The following SLC8A1 variants were observed in gnomAD, a reference collection of about 807,000 sequenced individuals.
The protein encoded by SLC8A1 is solute carrier family 8 member A1.
In SLC8A1, 18 loss-of-function variants were observed where a neutral mutation model predicts 68.3. The observed-to-expected ratio is 0.26, with a 90% CI of 0.18 to 0.39. The LOEUF (loss-of-function observed/expected upper bound fraction) is 0.39. SLC8A1 is among the 10% of genes least tolerant of loss of function. SLC8A1 has a pLI of 1.00. For missense variants in SLC8A1, 985 were observed against 1,156.7 expected (o/e 0.85, Z 2.15); for synonymous variants, 475 against 415.5 (o/e 1.14, Z -1.74).
chr2:40,434,710 T>G (rs142489201), intron 1 of SLC8A1, among the ~76,000 whole-genome samples: 250 of 152,280 alleles, frequency 1.6e-3, no homozygotes, highest in Non-Finnish European at 1.4e-3. Context: ...AAATGAGACT[T>G]TAGCACAGTA....
chr2:40,438,574 A>G (rs1259706137), intron 1 of SLC8A1, among the ~76,000 whole-genome samples: 1 of 152,178 alleles, frequency 6.6e-6, no homozygotes, highest in Non-Finnish European at 1.5e-5. Context: ...TACTCCAATG[A>G]CCATTAATAC....
At chr2:40,468,955 A>G (rs1442082121) in intron 1 of SLC8A1, among the ~76,000 whole-genome samples, 3 of 152,112 alleles carry the variant, frequency 2.0e-5, no homozygotes, top group Non-Finnish European at 4.4e-5. Flanking sequence ...AGTAAAGCCA[A>G]TCCTGGATAT....
intron 2 of SLC8A1, among the ~76,000 whole-genome samples, chr2:40,340,455 G>A (rs1667335774): frequency 6.6e-6 from 1 of 152,172 alleles, no homozygotes; most frequent in South Asian, 2.1e-4. Context: ...CAGCTACTCA[G>A]GAGGCTGAGG....
intron 2 of SLC8A1, among the ~76,000 whole-genome samples, chr2:40,346,061 A>AG (rs1162138099): frequency 1.3e-5 from 2 of 149,926 alleles, no homozygotes; most frequent in African/African-American, 4.9e-5. Context: ...AAAAAAAAAA[A>AG]AAAAAAAAAA....
chr2:40,312,036 T>G (rs2073776965), intron 2 of SLC8A1, among the ~76,000 whole-genome samples: 1 of 152,116 alleles, frequency 6.6e-6, no homozygotes, highest in Admixed American at 6.6e-5. Context: ...CCTTTTGATT[T>G]ATTAAATCAC....
intron 6 of SLC8A1, among the ~76,000 whole-genome samples, chr2:40,140,082 G>A (rs1227352557): frequency 6.6e-6 from 1 of 152,084 alleles, no homozygotes; most frequent in Non-Finnish European, 1.5e-5. Flanking sequence ...TTCTACTAGG[G>A]TTCTTTTCTT....
chr2:40,367,531 A>G (rs1676641963), intron 2 of SLC8A1, among the ~76,000 whole-genome samples: 1 of 151,994 alleles, frequency 6.6e-6, no homozygotes, highest in Non-Finnish European at 1.5e-5. Context: ...AATGTACCAA[A>G]CTATACAGTA....
intron 6 of SLC8A1, among the ~76,000 whole-genome samples, chr2:40,160,208 A>C (rs566073751): frequency 6.6e-6 from 1 of 152,326 alleles, no homozygotes; most frequent in African/African-American, 2.4e-5. Flanking sequence ...GAGTTTGAAA[A>C]ACACTTCATT....
exon 8 of SLC8A1, chr2:40,107,967 A>G (rs1292265600): frequency 6.6e-6 from 1 of 152,256 alleles, no homozygotes; most frequent in Non-Finnish European, 1.5e-5. Context: ...ACTGTACATT[A>G]GAAAGCCAGT....
At chr2:40,488,453 TGTG>T (rs1037939597) in intron 1 of SLC8A1, among the ~76,000 whole-genome samples, 2 of 63,672 alleles carry the variant, frequency 3.1e-5, no homozygotes, top group Admixed American at 4.0e-4. Flanking sequence ...CTTTCTAGTT[TGTG>T]TGTGTGTGTG....
At chr2:40,216,460 C>A (rs1270942839) in intron 2 of SLC8A1, among the ~76,000 whole-genome samples, 2 of 152,140 alleles carry the variant, frequency 1.3e-5, no homozygotes, top group African/African-American at 4.8e-5. Flanking sequence ...CTTCAATAAA[C>A]ATACATGTGC....
intron 1 of SLC8A1, among the ~76,000 whole-genome samples, chr2:40,449,774 A>C (rs1338198304): frequency 6.6e-6 from 1 of 152,334 alleles, no homozygotes; most frequent in Middle Eastern, 3.4e-3. Context: ...AAGACAGTAA[A>C]GTCTGATTAT....
intron 7 of SLC8A1, among the ~76,000 whole-genome samples, chr2:40,126,334 G>A (rs942681277): frequency 1.3e-5 from 2 of 152,190 alleles, no homozygotes; most frequent in Non-Finnish European, 2.9e-5. Flanking sequence ...TTAAATGCAA[G>A]GGGTCTATCT....
chr2:40,302,474 CAT>C (rs1427504937), intron 2 of SLC8A1, among the ~76,000 whole-genome samples: 2 of 148,030 alleles, frequency 1.4e-5, no homozygotes, highest in South Asian at 2.1e-4. Context: ...TGTATACACA[CAT>C]ATATATGATA....
exon 7 of SLC8A1, chr2:40,139,468 G>A (rs1409496109): frequency 6.2e-7 from 1 of 1,614,166 alleles, no homozygotes; most frequent in South Asian, 1.1e-5. Context: ...CAATGGTGCA[G>A]CCAAAGTGGG....
chr2:40,163,091 A>G (rs1374809069), intron 5 of SLC8A1, among the ~76,000 whole-genome samples: 1 of 152,218 alleles, frequency 6.6e-6, no homozygotes, highest in Non-Finnish European at 1.5e-5. Flanking sequence ...ATGACTGGAA[A>G]TAATCTATGG....
At chr2:40,376,855 C>T (rs756538876) in intron 2 of SLC8A1, among the ~76,000 whole-genome samples, 20 of 152,024 alleles carry the variant, frequency 1.3e-4, no homozygotes, top group Non-Finnish European at 2.8e-4. Context: ...CTTGTAATTT[C>T]CAAAATGGAA....
intron 2 of SLC8A1, among the ~76,000 whole-genome samples, chr2:40,330,802 T>G (rs868626505): frequency 6.6e-6 from 1 of 152,202 alleles, no homozygotes; most frequent in African/African-American, 2.4e-5. Context: ...ATCAAGTAAA[T>G]TGAGGCATTC....
chr2:40,416,498 A>T (rs1252214396), intron 2 of SLC8A1, among the ~76,000 whole-genome samples: 2 of 152,042 alleles, frequency 1.3e-5, no homozygotes, highest in Non-Finnish European at 2.9e-5. Flanking sequence ...CTTTACTCTA[A>T]ATCTTATTCA....
Sources: allele counts gnomAD v4.1 joint callset (sites outside exome capture counted in the v4.1 genomes callset), GRCh38; gene constraint gnomAD v4.1.1; transcripts MANE v1.5; gene names NCBI Gene and HGNC (gene_info 2026-07-23, HGNC 2026-07-21).